Variants in CACNA1C observed in about 807,000 individuals in gnomAD.
CACNA1C encodes calcium voltage-gated channel subunit alpha1 C.
Under a neutral mutation model 229.0 loss-of-function variants are expected in CACNA1C, and 30 were observed. The ratio of observed to expected loss-of-function variants is 0.13; its 90% CI spans 0.10 to 0.18. The LOEUF is 0.18. Among genes scored for constraint, CACNA1C ranks in the 10% least tolerant of loss-of-function variants. CACNA1C has a pLI of 1.00. For synonymous variants in CACNA1C, 1,114 were observed against 1,132.5 expected (o/e 0.98, Z 0.33); for missense variants, 1,658 against 2,845.0 (o/e 0.58, Z 9.49).
intron 3 of CACNA1C, among the ~76,000 whole-genome samples, chr12:2,301,702 T>C (rs986529375): frequency 3.9e-5 from 6 of 152,120 alleles, no homozygotes; most frequent in African/African-American, 1.2e-4. Context: ...CTGATCTCCT[T>C]TGGAAAAAAC....
At chr12:2,455,540 TA>T (rs1267360173) in intron 4 of CACNA1C, among the ~76,000 whole-genome samples, 8 of 152,308 alleles carry the variant, frequency 5.3e-5, no homozygotes, top group African/African-American at 1.4e-4. Context: ...CTAGCAAAGG[TA>T]AATTACACAT....
chr12:2,164,745 C>T (rs565520988), intron 3 of CACNA1C, among the ~76,000 whole-genome samples: 34 of 152,330 alleles, frequency 2.2e-4, no homozygotes, highest in Middle Eastern at 3.4e-3. Context: ...GTTGTGTGGC[C>T]TTGAGCAAGT....
intron 3 of CACNA1C, among the ~76,000 whole-genome samples, chr12:2,158,436 G>A (rs1385492296): frequency 6.6e-6 from 1 of 152,142 alleles, no homozygotes; most frequent in African/African-American, 2.4e-5. Flanking sequence ...AATTAGCGAG[G>A]CTTGGTGGTA....
At chr12:2,033,865 C>G (rs908673808) in intron 1 of CACNA1C, among the ~76,000 whole-genome samples, 1 of 152,214 alleles carries the variant, frequency 6.6e-6, no homozygotes, top group African/African-American at 2.4e-5. Context: ...GTTTGCCTGG[C>G]CCTGGCCATA....
At chr12:2,680,655 A>C in intron 42 of CACNA1C, 1 of 1,278,420 alleles carries the variant, frequency 7.8e-7, no homozygotes, top group Non-Finnish European at 1.1e-6. Context: ...AAAAGTGTCC[A>C]TCCAAGGAGC....
At chr12:2,545,510 C>T (rs2099879533) in intron 9 of CACNA1C, among the ~76,000 whole-genome samples, 1 of 152,150 alleles carries the variant, frequency 6.6e-6, no homozygotes, top group Admixed American at 6.5e-5. Flanking sequence ...GCCAAATGAG[C>T]TGTTGATGTT....
At chr12:2,548,109 TG>T (rs33930400) in intron 9 of CACNA1C, among the ~76,000 whole-genome samples, 96,054 of 151,928 alleles carry the variant, frequency 0.63, 32,290 homozygotes, top group Non-Finnish European at 0.74. Flanking sequence ...TGGAGATAGA[TG>T]GGTTGGAAGA....
chr12:2,541,583 C>G (rs1476751622), intron 9 of CACNA1C, among the ~76,000 whole-genome samples: 3 of 152,154 alleles, frequency 2.0e-5, no homozygotes, highest in Non-Finnish European at 4.4e-5. Context: ...CCCGATACCC[C>G]CAGCCACTGC....
At chr12:2,257,972 C>T (rs2154398624) in intron 3 of CACNA1C, among the ~76,000 whole-genome samples, 1 of 152,260 alleles carries the variant, frequency 6.6e-6, no homozygotes, top group South Asian at 2.1e-4. Context: ...GAAGAGCACC[C>T]TCAATCTGCC....
intron 38 of CACNA1C, among the ~76,000 whole-genome samples, chr12:2,671,631 G>C (rs1408215562): frequency 6.6e-6 from 1 of 152,180 alleles, no homozygotes; most frequent in Non-Finnish European, 1.5e-5. Context: ...AATTCAGCAG[G>C]GTCGAAGGTT....
intron 1 of CACNA1C, among the ~76,000 whole-genome samples, chr12:2,035,791 T>TA (rs1377466777): frequency 2.6e-5 from 4 of 152,276 alleles, no homozygotes; most frequent in Non-Finnish European, 4.4e-5. Flanking sequence ...TGTCCTATTT[T>TA]AAAATATCTC....
chr12:2,308,778 G>A (rs1273437061), intron 3 of CACNA1C, among the ~76,000 whole-genome samples: 1 of 152,104 alleles, frequency 6.6e-6, no homozygotes, highest in Non-Finnish European at 1.5e-5. Flanking sequence ...TGATCACCAG[G>A]GAAATGCAAA....
intron 3 of CACNA1C, among the ~76,000 whole-genome samples, chr12:2,300,816 T>C (rs890203056): frequency 4.6e-5 from 7 of 152,144 alleles, no homozygotes; most frequent in African/African-American, 1.7e-4. Flanking sequence ...CAATGAGCCA[T>C]GGAGGTGGCT....
Position 2,486,054 on chromosome 12 carries a change from G to C in CACNA1C, c.758-50G>C. 1 of 1,476,432 alleles carries C rather than the reference G, an allele frequency of 6.8e-7. No homozygotes were observed. Among genetic ancestry groups the C allele is most frequent in the Non-Finnish European group, 9.1e-7 (1 of 1,093,230 alleles). The allele number at this position is 1,476,432 out of a possible 1,614,324, so 91.5% of individuals were successfully genotyped here. A position where few individuals can be genotyped will look rare whatever the true frequency, so the allele number is the denominator to read the frequency against. On this transcript the variant is annotated intron_variant, in intron 5 of 46. Coordinates refer to ENST00000399655, the MANE Select transcript of CACNA1C (RefSeq NM_000719.7). The surrounding 1 kb of genome is among the most constrained non-coding windows in gnomAD (Gnocchi z 4.9). ...TGGAAGATTGCATGAGATGGCGTCAGCACGGTACCGCGGTGATGCTTGGTT... is the reference window on the plus strand; with the variant it reads ...TGGAAGATTGCATGAGATGGCGTCACCACGGTACCGCGGTGATGCTTGGTT...
chr12:2,106,402 C>T (rs2078598325), intron 1 of CACNA1C, among the ~76,000 whole-genome samples: 1 of 71,568 alleles, frequency 1.4e-5, no homozygotes, highest in Non-Finnish European at 3.1e-5. Flanking sequence ...TCCACCTGAG[C>T]TGGGCGTCCT....
intron 1 of CACNA1C, among the ~76,000 whole-genome samples, chr12:2,114,647 T>C (rs1429679631): frequency 1.3e-5 from 2 of 152,196 alleles, no homozygotes; most frequent in Non-Finnish European, 2.9e-5. Context: ...TCTCATTTTA[T>C]TATATTTATT....
At chr12:2,411,287 C>A (rs58017093) in intron 3 of CACNA1C, among the ~76,000 whole-genome samples, 52,423 of 151,916 alleles carry the variant, frequency 0.35, 9,399 homozygotes, top group Admixed American at 0.47. Flanking sequence ...ACAGGAAAAG[C>A]AGGGTGACTG....
At chr12:2,259,772 A>G (rs1444056839) in intron 3 of CACNA1C, among the ~76,000 whole-genome samples, 2 of 152,176 alleles carry the variant, frequency 1.3e-5, no homozygotes, top group Non-Finnish European at 2.9e-5. Flanking sequence ...GGTCTCTACT[A>G]AAAAAGTAAA....
rs1451571470 is a variant in CACNA1C, at chr12:2,287,976, T to C, written c.478-161000T>C. 1.5e-5 allele frequency: 2 copies of C among 129,978 alleles called. No homozygotes were observed. The highest frequency in any genetic ancestry group is 6.0e-5 in the African/African-American group (2 of 33,226). The allele number at this position is 129,978 out of a possible 1,614,324, so 8.1% of individuals were successfully genotyped here. On this transcript the variant is annotated intron_variant, in intron 3 of 46. Coordinates refer to ENST00000399655, the MANE Select transcript of CACNA1C (RefSeq NM_000719.7). The surrounding 1 kb of genome is among the most constrained non-coding windows in gnomAD (Gnocchi z 4.6). The stretch of plus-strand genomic sequence containing the variant: ...CTGAAAACGATTTCTGATCATTGAT[T>C]TTTTTTTTTTTTTGCATCATCCAAT...
Sources: allele counts gnomAD v4.1 joint callset (sites outside exome capture counted in the v4.1 genomes callset), GRCh38; gene constraint gnomAD v4.1.1; non-coding constraint Gnocchi (gnomAD v3.1); transcripts MANE v1.5; gene names NCBI Gene and HGNC (gene_info 2026-07-23, HGNC 2026-07-21).